MSN: variants seen among roughly 807,000 people sequenced by gnomAD.
MSN encodes the protein epididymis luminal protein 70.
Under a neutral mutation model 48.0 loss-of-function variants are expected in MSN, and 2 were observed. The ratio of observed to expected loss-of-function variants is 0.04; its 90% confidence interval spans 0.02 to 0.13. The LOEUF (loss-of-function observed/expected upper bound fraction) is 0.13, where lower values mean the gene tolerates loss of function less well. MSN is among the 10% of genes least tolerant of loss of function. The probability of loss-of-function intolerance (pLI) is 1.00; values close to 1 mark genes in which losing one functional copy is unlikely to be tolerated. For missense variants in MSN, 267 were observed against 470.1 expected (o/e 0.57, Z 3.99); for synonymous variants, 146 against 166.9 (o/e 0.87, Z 0.97).
Position 65,649,584 on chromosome X carries a change from A to ATAT in MSN, c.-22+60972_-22+60973insTAT, listed in dbSNP as rs1449370067. 5.8e-3 allele frequency among the ~76,000 whole-genome samples: 577 copies of ATAT among 98,835 alleles called. 8 individuals carry two copies. The highest frequency in any genetic ancestry group is 0.021 in the African/African-American group (545 of 25,376). 85.8% of individuals were successfully genotyped at this position (98,835 alleles called of 115,157 possible). Reference sequence around the variant, plus strand: ...GAGAGAGACTCTATCTCAAAAAAAAAAAAAATATATATATATATATTTGTG... The same window carrying ATAT: ...GAGAGAGACTCTATCTCAAAAAAAAATATAAAAATATATATATATATATTTGTG... On this transcript the variant is annotated intron_variant, in intron 1 of 3. Coordinates refer to the MSN transcript ENST00000609672.
chrX:65,607,276 G>C (rs2070285706), intron 1 of MSN, among the ~76,000 whole-genome samples: 1 of 111,700 alleles, frequency 9.0e-6, no homozygotes, highest in African/African-American at 3.3e-5. Flanking sequence ...ATAACATACT[G>C]CTTTTGACAA....
At chrX:65,652,400 C>T (rs2070749424) in intron 1 of MSN, among the ~76,000 whole-genome samples, 1 of 111,519 alleles carries the variant, frequency 9.0e-6, no homozygotes, top group Non-Finnish European at 1.9e-5. Context: ...CCTTTAGGAG[C>T]TTTTGTTGGA....
chrX:65,699,748 CAAAAAAA>C (rs34875923), intron 1 of MSN, among the ~76,000 whole-genome samples: 5 of 43,036 alleles, frequency 1.2e-4, no homozygotes, highest in Non-Finnish European at 1.8e-4. Context: ...GAATCTGTTT[CAAAAAAA>C]AAAAAAAAAA....
At chrX:65,656,731 G>A (rs1427250259) in intron 1 of MSN, among the ~76,000 whole-genome samples, 1 of 111,552 alleles carries the variant, frequency 9.0e-6, no homozygotes, top group African/African-American at 3.3e-5. Context: ...CAGAGAGCAC[G>A]AGGAGGGCAG....
chrX:65,618,700 C>T (rs1333741275), intron 1 of MSN, among the ~76,000 whole-genome samples: 1 of 109,861 alleles, frequency 9.1e-6, no homozygotes, highest in African/African-American at 3.3e-5. Flanking sequence ...GCATTTAGTC[C>T]ATTTACATTT....
chrX:65,731,695 C>T lies in MSN; in HGVS notation c.552-143C>T, dbSNP rs1450904943. ...TGCAAAAGTCATGCTGTGCTCTGTT[C>T]TCCATCATCTGCTTGCCTTTTGTCC... On this transcript the variant is annotated intron_variant, in intron 5 of 12. Transcript: ENST00000360270. The T allele has an allele frequency of 1.1e-5, 7 of 638,481 alleles. No individual in the cohort carries two copies. The South Asian group carries it at 1.3e-4, about 12-fold the overall frequency. The allele number at this position is 638,481 out of a possible 1,213,427, so 52.6% of individuals were successfully genotyped here.
At chrX:65,617,575 C>A (rs1372823074) in intron 1 of MSN, among the ~76,000 whole-genome samples, 1 of 105,062 alleles carries the variant, frequency 9.5e-6, no homozygotes, top group Non-Finnish European at 1.9e-5. Flanking sequence ...TTTTTTATTG[C>A]GTCTATTTGA....
Position 65,659,405 on chromosome X carries a change from C to T in MSN, c.-21-57413C>T, listed in dbSNP as rs146347634. On this transcript the variant is annotated intron_variant, in intron 1 of 3. Coordinates refer to the MSN transcript ENST00000609672. ...CTGGCCTCAAGTGATCCACCAGCCT[C>T]GGCCTCCCAAAGTGTTGGGATTACA... Among the ~76,000 whole-genome samples the T allele has an allele frequency of 3.0e-3, 340 of 112,139 alleles. 2 individuals carry two copies. The highest frequency in any genetic ancestry group is 0.026 in the South Asian group (70 of 2,702).
At chrX:65,724,435 C>T (rs1198352272) in intron 2 of MSN, among the ~76,000 whole-genome samples, 1 of 111,313 alleles carries the variant, frequency 9.0e-6, no homozygotes, top group Non-Finnish European at 1.9e-5. Context: ...TGAGCCACCA[C>T]ACCTGGCTAA....
At chrX:65,595,394 C>T (rs1241929613) in intron 1 of MSN, among the ~76,000 whole-genome samples, 2 of 111,803 alleles carry the variant, frequency 1.8e-5, no homozygotes, top group African/African-American at 6.6e-5. Context: ...CCCTGGAAAG[C>T]CTCTTGTTTC....
At chrX:65,674,663 T>C (rs1030439530) in intron 1 of MSN, among the ~76,000 whole-genome samples, 3 of 111,930 alleles carry the variant, frequency 2.7e-5, no homozygotes, top group Admixed American at 9.5e-5. Context: ...GTATGGCACT[T>C]TTTCAATTTA....
chrX:65,625,951 C>CTTTTT (rs750827976), intron 1 of MSN: 2 of 78,072 alleles, frequency 2.6e-5, no homozygotes, highest in Admixed American at 1.4e-4. Flanking sequence ...TTTAATACAG[C>CTTTTT]TTTTTTTTTT....
At chrX:65,626,429 G>T (rs1426750770) in intron 1 of MSN, among the ~76,000 whole-genome samples, 2 of 111,642 alleles carry the variant, frequency 1.8e-5, no homozygotes, top group Non-Finnish European at 3.8e-5. Context: ...TCTTTCTTCA[G>T]GGTTTGCTGT....
At chrX:65,622,585 C>T (rs764480298) in intron 1 of MSN, among the ~76,000 whole-genome samples, 82 of 97,772 alleles carry the variant, frequency 8.4e-4, no homozygotes, top group African/African-American at 2.8e-3. Flanking sequence ...GGCATGATTT[C>T]CGCTCACTGA....
chrX:65,608,198 T>A (rs771976930), intron 1 of MSN, among the ~76,000 whole-genome samples: 1 of 111,282 alleles, frequency 9.0e-6, no homozygotes, highest in Non-Finnish European at 1.9e-5. Flanking sequence ...AGCCTGTCAG[T>A]CGGTATGAGA....
At chrX:65,727,662 G>T in intron 2 of MSN, 152 bp from the exon 3 acceptor site, 1 of 443,567 alleles carries the variant, frequency 2.3e-6, no homozygotes, top group Non-Finnish European at 3.9e-6. Flanking sequence ...ATCAGTTCTT[G>T]ATTGCTGCTC....
chrX:65,677,760 A>G (rs903049445), intron 1 of MSN, among the ~76,000 whole-genome samples: 2 of 110,791 alleles, frequency 1.8e-5, no homozygotes, highest in East Asian at 5.6e-4. Context: ...TCTGTCTAAA[A>G]AAAAAGAAAA....
intron 1 of MSN, among the ~76,000 whole-genome samples, chrX:65,652,567 A>T (rs2148375615): frequency 9.0e-6 from 1 of 111,654 alleles, no homozygotes; most frequent in Non-Finnish European, 1.9e-5. Context: ...CAGCAGAGAG[A>T]CCCACCAGCA....
chrX:65,594,822 G>T (rs1569452145), intron 1 of MSN, among the ~76,000 whole-genome samples: 1 of 111,778 alleles, frequency 8.9e-6, no homozygotes, highest in Non-Finnish European at 1.9e-5. Flanking sequence ...CCAAGAAAGA[G>T]AGATGAGGGA....
Sources: gnomAD v4.1 joint callset for allele counts (sites outside exome capture counted in the v4.1 genomes callset) on GRCh38, gnomAD v4.1.1 for gene constraint, MANE v1.5 for transcripts, NCBI Gene and HGNC (gene_info 2026-07-23, HGNC 2026-07-21) for gene names.